The following PBX3 variants were observed in gnomAD, a reference collection of about 807,000 sequenced individuals.
The protein encoded by PBX3 is PBX homeobox 3.
PBX3 carries 14 observed loss-of-function variants against 48.5 expected under a neutral mutation model. The observed-to-expected ratio is 0.29, with a 90% confidence interval of 0.19 to 0.45. The LOEUF is 0.45. Ranked by LOEUF, PBX3 falls within the 20% of genes least tolerant of loss-of-function variation. PBX3 has a pLI of 1.00. For missense variants in PBX3, 386 were observed against 546.7 expected (o/e 0.71, Z 2.93); for synonymous variants, 210 against 200.3 (o/e 1.05, Z -0.41).
chr9:125,879,882 G>T (rs779325478), intron 2 of PBX3, among the ~76,000 whole-genome samples: 1 of 152,110 alleles, frequency 6.6e-6, no homozygotes, highest in Non-Finnish European at 1.5e-5. Flanking sequence ...GTCTGAAAAT[G>T]GTTTGAATAC....
intron 2 of PBX3, among the ~76,000 whole-genome samples, chr9:125,858,581 A>G (rs1292859738): frequency 7.0e-6 from 1 of 142,090 alleles, no homozygotes; most frequent in East Asian, 2.1e-4. Context: ...GTAAATGCAT[A>G]TTTCACTTTT....
chr9:125,791,883 C>T (rs1354670159), intron 2 of PBX3, among the ~76,000 whole-genome samples: 3 of 150,366 alleles, frequency 2.0e-5, no homozygotes, highest in African/African-American at 4.9e-5. Flanking sequence ...TTGCAGACTC[C>T]GTCTCAAAAA....
At chr9:125,937,227 T>C (rs939358311) in intron 5 of PBX3, among the ~76,000 whole-genome samples, 1 of 152,224 alleles carries the variant, frequency 6.6e-6, no homozygotes. Context: ...CTTCACACTT[T>C]GTGTGTAGTG....
chr9:125,938,078 C>T (rs1403242598), intron 5 of PBX3, among the ~76,000 whole-genome samples: 1 of 152,032 alleles, frequency 6.6e-6, no homozygotes, highest in Non-Finnish European at 1.5e-5. Context: ...ATTGAAGCCC[C>T]CTGAAAACAG....
At chr9:125,820,813 T>C (rs984141962) in intron 2 of PBX3, among the ~76,000 whole-genome samples, 33 of 152,238 alleles carry the variant, frequency 2.2e-4, no homozygotes, top group African/African-American at 8.0e-4. Flanking sequence ...TTCTCACTTA[T>C]TTTCTATTTG....
intron 2 of PBX3, among the ~76,000 whole-genome samples, chr9:125,829,153 C>A (rs79845220): frequency 0.012 from 1,843 of 152,240 alleles, 30 homozygotes; most frequent in African/African-American, 0.041. Flanking sequence ...ATGTTAAAGA[C>A]GATTCGTTGC....
At position 125,747,502 on chromosome 9, in the gene PBX3, G is replaced by A; in HGVS notation, c.49G>A (p.Ala17Thr). ...GCAGACTCTGGCCGGGGTGAACCTG[G>A]CTGGCCACTCGGTGCAGGGGGGCAT... is the stretch of plus-strand genomic sequence containing the variant. ...MLQTLAGVNL[A>T]GHSVQGGMAL... The change falls in exon 1 of 9, where the codon GCT becomes ACT. Residue 17 changes from alanine to threonine, a missense_variant. Transcript: ENST00000373489. The A allele has an allele frequency of 6.3e-7, 1 of 1,587,424 alleles. No individual in the cohort carries two copies. The highest frequency in any genetic ancestry group is 8.6e-7 in the Non-Finnish European group (1 of 1,168,238).
rs1447796512 is a variant in PBX3 at position 125,899,283 on chromosome 9, A to G, written c.275-16403A>G. 9.0e-5 allele frequency among the ~76,000 whole-genome samples: 11 copies of G among 122,062 alleles called. 1 individual carries two copies. In the East Asian group the frequency reaches 1.9e-3, roughly 21 times the overall value. The allele number at this position is 122,062 out of a possible 152,430, so 80.1% of individuals were successfully genotyped here. On this transcript the variant is annotated intron_variant, in intron 2 of 8. Coordinates refer to ENST00000373489, the MANE Select transcript of PBX3 (RefSeq NM_006195.6). ...TTTATATATAAATATACATATGTAT[A>G]TATATTTATATATAAATATACATAT...
chr9:125,886,048 C>T (rs1840492859), intron 2 of PBX3, among the ~76,000 whole-genome samples: 1 of 151,942 alleles, frequency 6.6e-6, no homozygotes, highest in Non-Finnish European at 1.5e-5. Flanking sequence ...ATCCCTGGGG[C>T]CCTGAGTCTT....
At chr9:125,901,554 ACTCAGTAAAGGTT>A (rs1385045680) in intron 2 of PBX3, among the ~76,000 whole-genome samples, 1 of 151,716 alleles carries the variant, frequency 6.6e-6, no homozygotes, top group East Asian at 1.9e-4. Context: ...TATAGTGGGT[ACTCAGTAAAGGTT>A]TGTTGACTGA....
intron 2 of PBX3, among the ~76,000 whole-genome samples, chr9:125,781,169 G>A (rs1215771800): frequency 1.3e-5 from 2 of 150,532 alleles, no homozygotes; most frequent in Non-Finnish European, 3.0e-5. Flanking sequence ...CAAGGCAGGC[G>A]GCTGGGAGAT....
intron 2 of PBX3, among the ~76,000 whole-genome samples, chr9:125,842,429 T>C (rs1195859561): frequency 6.6e-6 from 1 of 152,174 alleles, no homozygotes; most frequent in Non-Finnish European, 1.5e-5. Context: ...CATTCAGTCT[T>C]TTTCAGCCTT....
intron 2 of PBX3, among the ~76,000 whole-genome samples, chr9:125,870,683 G>T (rs1361148912): frequency 6.6e-6 from 1 of 152,182 alleles, no homozygotes; most frequent in Non-Finnish European, 1.5e-5. Context: ...TATCTAATTT[G>T]TAGAGATTAA....
intron 5 of PBX3, among the ~76,000 whole-genome samples, chr9:125,954,454 T>C (rs1456132622): frequency 6.6e-6 from 1 of 152,214 alleles, no homozygotes; most frequent in Non-Finnish European, 1.5e-5. Context: ...TAGGCTAATA[T>C]GGGAGAGAAA....
At chr9:125,762,184 T>G (rs896566272) in intron 2 of PBX3, among the ~76,000 whole-genome samples, 3 of 152,172 alleles carry the variant, frequency 2.0e-5, no homozygotes, top group Admixed American at 2.0e-4. Flanking sequence ...ATTTTTTTTC[T>G]TGTAAAAATT....
At chr9:125,766,926 CAG>C (rs35393306) in intron 2 of PBX3, among the ~76,000 whole-genome samples, 77,477 of 151,786 alleles carry the variant, frequency 0.51, 21,465 homozygotes, top group South Asian at 0.63. Context: ...TGATTGGGAA[CAG>C]AATACAGTAA....
chr9:125,802,934 C>T (rs1838006620), intron 2 of PBX3, among the ~76,000 whole-genome samples: 1 of 152,210 alleles, frequency 6.6e-6, no homozygotes, highest in South Asian at 2.1e-4. Context: ...CCGCCTCGGC[C>T]TCCCAAAGTG....
intron 2 of PBX3, among the ~76,000 whole-genome samples, chr9:125,779,646 C>A (rs1837185674): frequency 7.7e-6 from 1 of 129,214 alleles, no homozygotes. Context: ...TGAAAAGTCT[C>A]CCATGTCTAC....
intron 6 of PBX3, 131 bp downstream of exon 6, chr9:125,960,980 G>A (rs1030290084): frequency 7.7e-6 from 7 of 912,404 alleles, no homozygotes; most frequent in South Asian, 1.9e-5. Context: ...ATGTTCAAAT[G>A]CAGGCTTGTT....
Sources: allele counts gnomAD v4.1 joint callset (sites outside exome capture counted in the v4.1 genomes callset), GRCh38; gene constraint gnomAD v4.1.1; transcripts MANE v1.5; gene names NCBI Gene and HGNC (gene_info 2026-07-23, HGNC 2026-07-21).